The following RNF38 variants were observed in gnomAD, a reference collection of about 807,000 sequenced individuals.
RNF38 encodes E3 ubiquitin-protein ligase RNF38.
A neutral mutation model predicts 67.2 loss-of-function variants in RNF38; 15 were observed. The ratio of observed to expected loss-of-function variants is 0.22; its 90% CI spans 0.15 to 0.34. RNF38 has a LOEUF of 0.34. Among genes scored for constraint, RNF38 ranks in the 10% least tolerant of loss-of-function variants. The pLI is 1.00. For synonymous variants in RNF38, 220 were observed against 218.8 expected (o/e 1.01, Z -0.05); for missense variants, 524 against 639.9 (o/e 0.82, Z 1.95).
intron 9 of RNF38, among the ~76,000 whole-genome samples, chr9:36,348,840 A>T (rs1337212076): frequency 1.3e-5 from 2 of 152,242 alleles, no homozygotes; most frequent in Non-Finnish European, 2.9e-5. Flanking sequence ...GATGAAAGTG[A>T]ATACACTAAA....
chr9:36,466,649 T>A (rs990077764), intron 1 of RNF38, among the ~76,000 whole-genome samples: 3 of 152,298 alleles, frequency 2.0e-5, no homozygotes, highest in Non-Finnish European at 2.9e-5. Flanking sequence ...AACATTATTA[T>A]AAAGTGGGAA....
At chr9:36,344,375 T>C (rs1444202565) in intron 10 of RNF38, among the ~76,000 whole-genome samples, 1 of 152,218 alleles carries the variant, frequency 6.6e-6, no homozygotes, top group Non-Finnish European at 1.5e-5. Flanking sequence ...TCAATAAAGC[T>C]ATTTTTAAAA....
intron 9 of RNF38, among the ~76,000 whole-genome samples, chr9:36,350,317 G>A (rs994895555): frequency 1.3e-5 from 2 of 152,110 alleles, no homozygotes; most frequent in Admixed American, 1.3e-4. Flanking sequence ...CACTCCCATC[G>A]ATTACTTCAC....
upstream of RNF38, among the ~76,000 whole-genome samples, chr9:36,403,282 A>T (rs964142865): frequency 1.3e-5 from 2 of 152,250 alleles, no homozygotes; most frequent in African/African-American, 4.8e-5. Context: ...ACAAAGGTGG[A>T]AAGTCCCACT....
At chr9:36,388,652 A>G (rs1244364450) in intron 2 of RNF38, among the ~76,000 whole-genome samples, 1 of 152,176 alleles carries the variant, frequency 6.6e-6, no homozygotes, top group Non-Finnish European at 1.5e-5. Flanking sequence ...GAAATCAATC[A>G]ATTAACTTCT....
intron 6 of RNF38, among the ~76,000 whole-genome samples, chr9:36,355,869 CAG>C (rs1470315738): frequency 2.0e-5 from 3 of 152,222 alleles, no homozygotes; most frequent in Admixed American, 6.5e-5. Context: ...ATTTTGGAGA[CAG>C]AGTCTCACTC....
chr9:36,347,645 C>G (rs118015596), intron 9 of RNF38, among the ~76,000 whole-genome samples: 4 of 152,198 alleles, frequency 2.6e-5, no homozygotes, highest in African/African-American at 9.6e-5. Flanking sequence ...ACTGGCTATT[C>G]GCCCATCTCT....
Position 36,376,028 on chromosome 9 carries a change from C to T in RNF38, c.262G>A (p.Glu88Lys). ...PAPSPPMRPW[E>K]MTSNRQPPSV... ...GGGGGCTGCCTATTTGATGTCATCTCCCATGGTCGCATTGGTGGTGAGGGA... is the reference window on the plus strand; with the variant it reads ...GGGGGCTGCCTATTTGATGTCATCTTCCATGGTCGCATTGGTGGTGAGGGA... The change falls in exon 3 of 12, where the codon GAG becomes AAG. Residue 88 changes from glutamate (E) to lysine (K), a missense_variant. Around this residue, in one of 2 missense-constraint regions of RNF38, gnomAD observed 461 missense variants for 517.4 expected, o/e 0.89. Coordinates refer to ENST00000259605, the MANE Select transcript of RNF38 (RefSeq NM_022781.5). The T allele has an allele frequency of 6.2e-7, 1 of 1,613,238 alleles. No individual in the cohort carries two copies. Among genetic ancestry groups the T allele is most frequent in the Non-Finnish European group, 8.5e-7 (1 of 1,179,684 alleles).
intron 2 of RNF38, 113 bp downstream of exon 2, chr9:36,390,354 C>T (rs1279767652): frequency 4.6e-6 from 4 of 866,704 alleles, no homozygotes; most frequent in African/African-American, 1.7e-5. Flanking sequence ...CTTATTTCCA[C>T]ATACAACAGA....
intron 1 of RNF38, among the ~76,000 whole-genome samples, chr9:36,452,299 T>C (rs2134340507): frequency 6.6e-6 from 1 of 152,272 alleles, no homozygotes; most frequent in East Asian, 1.9e-4. Context: ...CCACTAATTC[T>C]AGAACATTTT....
At chr9:36,351,267 G>T in intron 8 of RNF38, 68 bp from the exon 9 acceptor site, 1 of 1,050,128 alleles carries the variant, frequency 9.5e-7, no homozygotes, top group Non-Finnish European at 1.4e-6. Flanking sequence ...GGACAGGGAG[G>T]ACAGAGGCCA....
chr9:36,441,640 T>C (rs1347186698), intron 1 of RNF38, among the ~76,000 whole-genome samples: 2 of 152,256 alleles, frequency 1.3e-5, no homozygotes, highest in East Asian at 3.9e-4. Context: ...TTTAAAATAC[T>C]GATTATAATA....
At chr9:36,477,066 G>C (rs1241674554) in intron 1 of RNF38, among the ~76,000 whole-genome samples, 1 of 152,076 alleles carries the variant, frequency 6.6e-6, no homozygotes, top group Non-Finnish European at 1.5e-5. Flanking sequence ...GATCACGCCT[G>C]TAATCCCAGC....
intron 9 of RNF38, among the ~76,000 whole-genome samples, chr9:36,346,169 G>T (rs1833223382): frequency 1.3e-5 from 2 of 152,230 alleles, no homozygotes; most frequent in Middle Eastern, 3.4e-3. Flanking sequence ...ATCAACTCAT[G>T]AACTTTAACA....
At chr9:36,351,939 T>C (rs539821406) in intron 8 of RNF38, among the ~76,000 whole-genome samples, 9 of 152,300 alleles carry the variant, frequency 5.9e-5, no homozygotes, top group African/African-American at 1.9e-4. Context: ...ACATTGTTCA[T>C]AGTCACAGGG....
chr9:36,343,983 A>G (rs762845735), intron 10 of RNF38, among the ~76,000 whole-genome samples: 15 of 152,100 alleles, frequency 9.9e-5, no homozygotes, highest in African/African-American at 1.7e-4. Context: ...CAGCTCTATG[A>G]ATATACAAAA....
chr9:36,391,475 G>A (rs1397775847), intron 1 of RNF38, among the ~76,000 whole-genome samples: 1 of 151,414 alleles, frequency 6.6e-6, no homozygotes, highest in Non-Finnish European at 1.5e-5. Flanking sequence ...GTCCCTTCTT[G>A]TACCTACACT....
chr9:36,351,476 T>C (rs1389696396), intron 8 of RNF38, among the ~76,000 whole-genome samples: 1 of 152,214 alleles, frequency 6.6e-6, no homozygotes, highest in Admixed American at 6.5e-5. Flanking sequence ...ATAAATTCCA[T>C]GCAATACCTA....
intron 4 of RNF38, among the ~76,000 whole-genome samples, chr9:36,364,241 G>A (rs1040109706): frequency 1.3e-5 from 2 of 152,216 alleles, no homozygotes; most frequent in South Asian, 4.1e-4. Flanking sequence ...CCACAGGGAT[G>A]AAGACCTTTA....
Sources: gnomAD v4.1 joint callset for allele counts (sites outside exome capture counted in the v4.1 genomes callset) on GRCh38, gnomAD v4.1.1 for gene constraint, gnomAD v4.1.1 regional missense constraint, MANE v1.5 for transcripts, NCBI Gene and HGNC (gene_info 2026-07-23, HGNC 2026-07-21) for gene names.